SGCZ: variants seen among roughly 807,000 people sequenced by gnomAD.
SGCZ encodes the protein sarcoglycan zeta.
Under a neutral mutation model 41.3 loss-of-function variants are expected in SGCZ, and 40 were observed. The observed-to-expected ratio is 0.97, with a 90% CI of 0.75 to 1.26. The LOEUF (loss-of-function observed/expected upper bound fraction) is 1.26. SGCZ is among the 50% of genes most tolerant of loss of function. SGCZ has a pLI of 0.00. For synonymous variants in SGCZ, 206 were observed against 137.5 expected (o/e 1.50, Z -3.49); for missense variants, 552 against 369.8 (o/e 1.49, Z -4.04).
At chr8:14,708,936 C>T (rs1809418858) in intron 1 of SGCZ, among the ~76,000 whole-genome samples, 1 of 151,808 alleles carries the variant, frequency 6.6e-6, no homozygotes, top group Non-Finnish European at 1.5e-5. Context: ...ATGTGTTAGA[C>T]AAGTTTCTAA....
intron 2 of SGCZ, among the ~76,000 whole-genome samples, chr8:14,330,125 A>G (rs1337878618): frequency 2.0e-5 from 3 of 152,046 alleles, no homozygotes; most frequent in East Asian, 3.9e-4. Context: ...CTCTATTAGT[A>G]TTTCTTATAA....
chr8:14,439,236 T>C lies in SGCZ; in HGVS notation c.235-115032A>G, dbSNP rs112365948. On this transcript the variant is annotated intron_variant, in intron 2 of 7. Coordinates refer to ENST00000382080, the MANE Select transcript of SGCZ (RefSeq NM_139167.4). ...TTGTAAGATCATTAGGACTTTTTATTATATTTTTAGGAGTTTTTGGCTTGG... is the reference window on the plus strand; with the variant it reads ...TTGTAAGATCATTAGGACTTTTTATCATATTTTTAGGAGTTTTTGGCTTGG... Among the ~76,000 whole-genome samples the C allele has an allele frequency of 2.0e-5, 3 of 151,476 alleles. 1 individual carries two copies. Among genetic ancestry groups the C allele is most frequent in the African/African-American group, 7.2e-5 (3 of 41,450 alleles).
chr8:14,252,029 G>C (rs752607992), intron 3 of SGCZ, among the ~76,000 whole-genome samples: 11 of 152,026 alleles, frequency 7.2e-5, no homozygotes, highest in Non-Finnish European at 1.5e-4. Flanking sequence ...TCTTTTATTA[G>C]ATTGGGAAAA....
intron 1 of SGCZ, among the ~76,000 whole-genome samples, chr8:15,042,301 G>A (rs1044408146): frequency 1.3e-5 from 2 of 152,098 alleles, no homozygotes; most frequent in Non-Finnish European, 2.9e-5. Flanking sequence ...TTGTGCTGAT[G>A]CCTCTCTTCT....
intron 2 of SGCZ, among the ~76,000 whole-genome samples, chr8:14,406,164 G>A (rs1290382452): frequency 3.3e-5 from 5 of 152,092 alleles, no homozygotes; most frequent in South Asian, 4.1e-4. Flanking sequence ...TTTCTGCAGA[G>A]AAGGCTTTGC....
At chr8:14,555,371 C>T (rs1224302446) in intron 1 of SGCZ, among the ~76,000 whole-genome samples, 1 of 151,898 alleles carries the variant, frequency 6.6e-6, no homozygotes, top group African/African-American at 2.4e-5. Context: ...AGTGAATTTC[C>T]CCCTTTGGTG....
chr8:14,345,037 TAC>T (rs926695043), intron 2 of SGCZ, among the ~76,000 whole-genome samples: 1 of 152,122 alleles, frequency 6.6e-6, no homozygotes, highest in African/African-American at 2.4e-5. Flanking sequence ...CGTGTGCATA[TAC>T]ACACACAATT....
chr8:14,443,291 A>G (rs1174327099), intron 2 of SGCZ, among the ~76,000 whole-genome samples: 4 of 152,200 alleles, frequency 2.6e-5, no homozygotes, highest in African/African-American at 9.7e-5. Context: ...GACTTTCTTC[A>G]CAGAATTGGA....
chr8:15,050,404 C>T (rs945529834), intron 1 of SGCZ, among the ~76,000 whole-genome samples: 13 of 152,052 alleles, frequency 8.5e-5, no homozygotes, highest in Non-Finnish European at 1.3e-4. Flanking sequence ...GAAAAGGGAT[C>T]GCCTGGAGAG....
chr8:14,256,244 T>C (rs1211899495), intron 3 of SGCZ, among the ~76,000 whole-genome samples: 1 of 152,162 alleles, frequency 6.6e-6, no homozygotes. Flanking sequence ...AAGTCTTCCA[T>C]ATAGCCATCC....
At chr8:14,379,374 T>C (rs1268965665) in intron 2 of SGCZ, among the ~76,000 whole-genome samples, 1 of 152,054 alleles carries the variant, frequency 6.6e-6, no homozygotes, top group African/African-American at 2.4e-5. Context: ...GAAAACCCCA[T>C]TTACAATTGC....
chr8:14,584,071 A>G (rs952362795), intron 1 of SGCZ, among the ~76,000 whole-genome samples: 1 of 152,168 alleles, frequency 6.6e-6, no homozygotes, highest in Non-Finnish European at 1.5e-5. Flanking sequence ...CAGGGAGCTC[A>G]ACATTTACTT....
At chr8:14,513,491 G>A (rs1255665966) in intron 2 of SGCZ, among the ~76,000 whole-genome samples, 1 of 95,842 alleles carries the variant, frequency 1.0e-5, no homozygotes, top group Admixed American at 1.1e-4. Context: ...TAGACCAATT[G>A]ATTCATAAAT....
chr8:14,575,932 AAAAG>A lies in SGCZ; in HGVS notation c.40-21010_40-21007del, dbSNP rs1356307924. On this transcript the variant is annotated intron_variant, in intron 1 of 7. Transcript: ENST00000382080. ...AAATAACAAAAAAAAAAAAAAAAAA[AAAAG>A]AAAGAAAGAGAGAGAGAGAAAGAAT... Among the ~76,000 whole-genome samples, 687 of 136,424 alleles carry A rather than the reference AAAAG, an allele frequency of 5.0e-3. 3 individuals are homozygous for A. Among genetic ancestry groups the A allele is most frequent in the African/African-American group, 0.019 (658 of 34,762 alleles). The allele number at this position is 136,424 out of a possible 152,430, so 89.5% of individuals were successfully genotyped here.
chr8:15,052,188 G>A (rs889006277), intron 1 of SGCZ, among the ~76,000 whole-genome samples: 1 of 152,148 alleles, frequency 6.6e-6, no homozygotes, highest in Admixed American at 6.6e-5. Flanking sequence ...AAAGAAAGCA[G>A]AAATAAATTG....
chr8:14,693,567 A>C (rs536460577), intron 1 of SGCZ, among the ~76,000 whole-genome samples: 6 of 139,892 alleles, frequency 4.3e-5, no homozygotes, highest in Middle Eastern at 4.3e-3. Context: ...TACAGGCGTC[A>C]GCTACCACGA....
chr8:14,919,977 T>G (rs1799544895), intron 1 of SGCZ, among the ~76,000 whole-genome samples: 1 of 152,168 alleles, frequency 6.6e-6, no homozygotes, highest in Non-Finnish European at 1.5e-5. Flanking sequence ...TGCGATGTTA[T>G]TTTTACATCG....
intron 1 of SGCZ, among the ~76,000 whole-genome samples, chr8:14,750,864 C>T (rs1190354439): frequency 6.6e-6 from 1 of 152,154 alleles, no homozygotes; most frequent in African/African-American, 2.4e-5. Context: ...TAACTGAATT[C>T]TCCTTTTATC....
At chr8:14,979,420 G>C (rs367871803) in intron 1 of SGCZ, among the ~76,000 whole-genome samples, 5 of 152,068 alleles carry the variant, frequency 3.3e-5, no homozygotes, top group Non-Finnish European at 2.9e-5. Flanking sequence ...AAAAATTAAA[G>C]AATCTACAAG....
Sources: gnomAD v4.1 joint callset for allele counts (sites outside exome capture counted in the v4.1 genomes callset) on GRCh38, gnomAD v4.1.1 for gene constraint, MANE v1.5 for transcripts, NCBI Gene and HGNC (gene_info 2026-07-23, HGNC 2026-07-21) for gene names.